Variants in SMCO2 observed in about 807,000 individuals in gnomAD.
The protein encoded by SMCO2 is single-pass membrane protein with coiled-coil domains 2.
SMCO2 carries 25 observed loss-of-function variants against 29.5 expected under a neutral mutation model. That is an observed-to-expected ratio of 0.85 (90% CI 0.62 to 1.18). The LOEUF (loss-of-function observed/expected upper bound fraction) is 1.18. Among genes scored for constraint, SMCO2 ranks in the 50% most tolerant of loss-of-function variants. The pLI is 0.00. For synonymous variants in SMCO2, 117 were observed against 123.3 expected, an observed-to-expected ratio of 0.95 and a Z score of 0.34; for missense variants, 348 against 344.5, an observed-to-expected ratio of 1.01 and a Z score of -0.08.
At chr12:27,472,336 G>A (rs1478018139) in intron 2 of SMCO2, among the ~76,000 whole-genome samples, 3 of 152,090 alleles carry the variant, frequency 2.0e-5, no homozygotes, top group Admixed American at 2.0e-4. Context: ...AAATAAAGAA[G>A]CTAGTAAACA....
intron 5 of SMCO2, among the ~76,000 whole-genome samples, chr12:27,493,215 G>A (rs1383700415): frequency 6.6e-6 from 1 of 151,926 alleles, no homozygotes; most frequent in Admixed American, 6.6e-5. Context: ...GAGGAGAAGG[G>A]GTAACTGTTG....
At chr12:27,467,785 A>G (rs1234378370) in intron 1 of SMCO2, among the ~76,000 whole-genome samples, 2 of 152,152 alleles carry the variant, frequency 1.3e-5, no homozygotes, top group Non-Finnish European at 2.9e-5. Flanking sequence ...TCTGTGTTCC[A>G]GTTTCTTCCT....
chr12:27,500,726 C>A (rs1285111190), intron 7 of SMCO2, among the ~76,000 whole-genome samples: 1 of 150,614 alleles, frequency 6.6e-6, no homozygotes, highest in Non-Finnish European at 1.5e-5. Flanking sequence ...GTTATCAGCT[C>A]TCTAAGCCCC....
intron 3 of SMCO2, chr12:27,473,149 TTTATG>T (rs1227541549): frequency 5.8e-6 from 2 of 347,310 alleles, no homozygotes; most frequent in African/African-American, 4.2e-5. Flanking sequence ...TCCTCGGGAA[TTTATG>T]AAATAACTGT....
chr12:27,472,750 C>T (rs2135547032), intron 2 of SMCO2, 26 bp from the exon 3 acceptor site: 1 of 1,536,330 alleles, frequency 6.5e-7, no homozygotes, highest in Non-Finnish European at 8.8e-7. Flanking sequence ...TAATAACAGC[C>T]TCTGTTTGGA....
intron 1 of SMCO2, among the ~76,000 whole-genome samples, chr12:27,470,190 C>G (rs1399700907): frequency 6.6e-6 from 1 of 152,124 alleles, no homozygotes; most frequent in Non-Finnish European, 1.5e-5. Context: ...GTGGTTAAGT[C>G]TGGATATCTC....
At chr12:27,427,630 A>G in the SMCO2 span, among the ~76,000 whole-genome samples, 3 of 152,176 alleles carry the variant, frequency 2.0e-5, no homozygotes, top group Admixed American at 1.3e-4. Flanking sequence ...GAAATAGCCA[A>G]CAGCCAGACA....
intron 3 of SMCO2, among the ~76,000 whole-genome samples, chr12:27,474,494 T>C (rs1355255931): frequency 1.3e-5 from 2 of 152,170 alleles, no homozygotes; most frequent in Non-Finnish European, 2.9e-5. Flanking sequence ...AACAGTCATC[T>C]AATTTGAGTG....
At chr12:27,497,968 G>A (rs1943031685) in intron 7 of SMCO2, 1 of 323,048 alleles carries the variant, frequency 3.1e-6, no homozygotes, top group Non-Finnish European at 6.1e-6. Context: ...AAGACAAGAA[G>A]TTTAATATAT....
intron 4 of SMCO2, chr12:27,475,609 A>G (rs775296789): frequency 7.7e-6 from 12 of 1,548,998 alleles, no homozygotes; most frequent in South Asian, 4.8e-5. Flanking sequence ...TCCTCAAGCT[A>G]AACTACTGGA....
the SMCO2 span, among the ~76,000 whole-genome samples, chr12:27,457,922 A>G: frequency 2.0e-5 from 3 of 152,220 alleles, no homozygotes; most frequent in South Asian, 2.1e-4. Flanking sequence ...TCTGTATTCT[A>G]TCTCATTCTT....
chr12:27,438,789 A>AAAAC, the SMCO2 span, among the ~76,000 whole-genome samples: 1 of 129,140 alleles, frequency 7.7e-6, no homozygotes, highest in African/African-American at 3.0e-5. Context: ...CCCCCACAAA[A>AAAAC]AAACAAACAA....
rs187171743 is a variant in SMCO2, at chr12:27,474,713, G to A, written c.235-73G>A. 9 of 1,523,066 alleles carry A rather than the reference G, an allele frequency of 5.9e-6. No individual in the cohort carries two copies. In the Admixed American group the frequency reaches 7.9e-5, roughly 13 times the overall value. 94.3% of individuals were successfully genotyped at this position (1,523,066 alleles called of 1,614,324 possible). A position where few individuals can be genotyped will look rare whatever the true frequency, so the allele number is the denominator to read the frequency against. On this transcript the variant is annotated intron_variant, in intron 3 of 7. Coordinates refer to ENST00000298876, the Ensembl canonical transcript of SMCO2. Reference sequence around the variant, plus strand: ...CTTGACCCCAGCAAAGGGGGATTGGGTAGGGCTGGAAGAACCACCACATCT... The same window carrying A: ...CTTGACCCCAGCAAAGGGGGATTGGATAGGGCTGGAAGAACCACCACATCT...
the SMCO2 span, among the ~76,000 whole-genome samples, chr12:27,453,413 A>T: frequency 6.6e-6 from 1 of 152,194 alleles, no homozygotes; most frequent in African/African-American, 2.4e-5. Flanking sequence ...TATACCTTGG[A>T]TGAAAGCCCA....
chr12:27,431,611 C>G, the SMCO2 span, among the ~76,000 whole-genome samples: 1 of 152,074 alleles, frequency 6.6e-6, no homozygotes, highest in Admixed American at 6.5e-5. Flanking sequence ...GCATAATATT[C>G]CATTGTAGAT....
chr12:27,435,957 T>C, the SMCO2 span, among the ~76,000 whole-genome samples: 1 of 152,222 alleles, frequency 6.6e-6, no homozygotes, highest in Non-Finnish European at 1.5e-5. Context: ...ACAACAAACA[T>C]TTATTTCACA....
chr12:27,499,378 G>A (rs960168323), intron 7 of SMCO2, among the ~76,000 whole-genome samples: 1 of 150,660 alleles, frequency 6.6e-6, no homozygotes, highest in Admixed American at 6.6e-5. Flanking sequence ...GTTCAAAGTA[G>A]GAAAATCCAT....
intron 4 of SMCO2, among the ~76,000 whole-genome samples, chr12:27,476,267 T>C (rs1949585395): frequency 6.6e-6 from 1 of 152,084 alleles, no homozygotes; most frequent in East Asian, 1.9e-4. Flanking sequence ...AAGACTTGTA[T>C]TGTGGCCTAA....
intron 5 of SMCO2, among the ~76,000 whole-genome samples, chr12:27,493,259 T>C (rs987544404): frequency 3.3e-5 from 5 of 152,056 alleles, no homozygotes; most frequent in African/African-American, 1.2e-4. Context: ...GATGAAATAA[T>C]CTGTACAGCA....
Sources: gnomAD v4.1 joint callset for allele counts (sites outside exome capture counted in the v4.1 genomes callset) on GRCh38, gnomAD v4.1.1 for gene constraint, MANE v1.5 for transcripts, NCBI Gene and HGNC (gene_info 2026-07-23, HGNC 2026-07-21) for gene names.